The following CALN1 variants were observed in gnomAD, a reference collection of about 807,000 sequenced individuals.
The protein encoded by CALN1 is calcium-binding protein 8.
Under a neutral mutation model 30.6 loss-of-function variants are expected in CALN1, and 17 were observed. The ratio of observed to expected loss-of-function variants is 0.56; its 90% confidence interval spans 0.38 to 0.83. The LOEUF (loss-of-function observed/expected upper bound fraction) is 0.83, where lower values mean the gene tolerates loss of function less well. CALN1 is among the 40% of genes least tolerant of loss of function. The pLI, the probability that CALN1 is intolerant of heterozygous loss-of-function variation, is 0.00. For missense variants in CALN1, 291 were observed against 354.9 expected (o/e 0.82, Z 1.45); for synonymous variants, 156 against 131.4 (o/e 1.19, Z -1.28).
At chr7:72,177,898 G>C (rs1047912372) in intron 3 of CALN1, among the ~76,000 whole-genome samples, 19 of 151,970 alleles carry the variant, frequency 1.3e-4, no homozygotes, top group Admixed American at 2.6e-4. Context: ...GCGTCCCTTA[G>C]CACCTCCACC....
Position 71,943,451 on chromosome 7 carries a change from C to CT in CALN1, c.501+80205dup, listed in dbSNP as rs369290571. Among the ~76,000 whole-genome samples, 1,215 of 152,030 alleles carry CT rather than the reference C, an allele frequency of 8.0e-3. 9 individuals are homozygous for CT. Among genetic ancestry groups the CT allele is most frequent in the Middle Eastern group, 0.017 (5 of 294 alleles). On this transcript the variant is annotated intron_variant, in intron 5 of 6. Coordinates refer to ENST00000395275, the MANE Select transcript of CALN1 (RefSeq NM_031468.4). Reference sequence around the variant, plus strand: ...AAATGGGAACAACAAAAGAATTTTTCTTTTTTTGAGACAGGATCTCACTCT... The same window carrying CT: ...AAATGGGAACAACAAAAGAATTTTTCTTTTTTTTGAGACAGGATCTCACTCT...
chr7:72,472,978 G>GGAAT, the CALN1 span, among the ~76,000 whole-genome samples: 1 of 152,136 alleles, frequency 6.6e-6, no homozygotes, highest in Non-Finnish European at 1.5e-5. Context: ...GTCTAACCTT[G>GGAAT]GAATGACCTG....
In CALN1 at chr7:72,300,284, A is replaced by G. The variant is rs73361152; in HGVS notation, c.120-21474T>C. Among the ~76,000 whole-genome samples, 47 of 152,262 alleles carry G rather than the reference A, an allele frequency of 3.1e-4. 1 individual carries two copies. The highest frequency in any genetic ancestry group is 1.1e-3 in the African/African-American group (46 of 41,548). On this transcript the variant is annotated intron_variant, in intron 2 of 6. Coordinates refer to ENST00000395275, the MANE Select transcript of CALN1 (RefSeq NM_031468.4). ...GAAAGTAATTTGGCCATTCTGCATCACAAGTCTGAAAAAAATAGTTCTGGC... is the reference window on the plus strand; with the variant it reads ...GAAAGTAATTTGGCCATTCTGCATCGCAAGTCTGAAAAAAATAGTTCTGGC...
chr7:72,391,516 T>C (rs914763264), intron 2 of CALN1, among the ~76,000 whole-genome samples: 8 of 152,124 alleles, frequency 5.3e-5, no homozygotes, highest in African/African-American at 1.9e-4. Flanking sequence ...TGGCCCCTGA[T>C]ATAATTTGGC....
chr7:72,141,299 G>C (rs535657015), intron 3 of CALN1, among the ~76,000 whole-genome samples: 8 of 144,376 alleles, frequency 5.5e-5, no homozygotes, highest in African/African-American at 2.3e-4. Context: ...CTTAAAAAAA[G>C]AAAAGAAAAA....
intron 5 of CALN1, among the ~76,000 whole-genome samples, chr7:71,847,743 G>GAAGAAAGAAGAAGAAAGAAGAAGA (rs1386376397): frequency 1.1e-5 from 1 of 94,540 alleles, no homozygotes; most frequent in East Asian, 5.0e-4. Context: ...AAAGAAGAAA[G>GAAGAAAGAAGAAGAAAGAAGAAGA]AAGAAGAAAG....
At chr7:72,147,268 AC>A (rs1786830039) in intron 3 of CALN1, among the ~76,000 whole-genome samples, 1 of 152,188 alleles carries the variant, frequency 6.6e-6, no homozygotes, top group East Asian at 1.9e-4. Context: ...AAACAAATTT[AC>A]AAGAAAAACA....
intron 2 of CALN1, among the ~76,000 whole-genome samples, chr7:72,316,227 C>T (rs960252925): frequency 4.0e-5 from 6 of 151,730 alleles, no homozygotes; most frequent in East Asian, 1.9e-4. Context: ...TTAGTGAAAT[C>T]GAAAACAACA....
In CALN1 at chr7:72,278,737, C is replaced by A. The variant is rs775820211; in HGVS notation, c.193G>T (p.Ala65Ser). 1.9e-6 allele frequency: 3 copies of A among 1,614,116 alleles called. No homozygotes were observed. The highest frequency in any genetic ancestry group is 1.7e-6 in the Non-Finnish European group (2 of 1,179,980). Residue 65 changes from alanine (A) to serine (S), a missense_variant, in exon 3 of 7, where the codon GCT becomes TCT. Transcript: ENST00000395275. The stretch of plus-strand genomic sequence containing the variant: ...GCCAGCTGTTCGCTGTCACTGCCAG[C>A]AGAGAGCGATCGGTTGAGGTAATTC... The part of the protein sequence containing the change: ...KGNYLNRSLS[A>S]GSDSEQLANI...
At chr7:72,393,970 G>T (rs1805751571) in intron 2 of CALN1, among the ~76,000 whole-genome samples, 1 of 152,118 alleles carries the variant, frequency 6.6e-6, no homozygotes, top group African/African-American at 2.4e-5. Context: ...GTTGTGGCAT[G>T]TTTTATTAAA....
At chr7:72,139,617 C>T (rs1809750830) in intron 3 of CALN1, among the ~76,000 whole-genome samples, 1 of 151,410 alleles carries the variant, frequency 6.6e-6, no homozygotes, top group South Asian at 2.1e-4. Flanking sequence ...AGTCTACCCT[C>T]TTCTAAGCCT....
At chr7:71,929,938 T>C (rs1039137702) in intron 5 of CALN1, among the ~76,000 whole-genome samples, 3 of 152,228 alleles carry the variant, frequency 2.0e-5, no homozygotes, top group Non-Finnish European at 4.4e-5. Context: ...GGACATCTCA[T>C]GGATACCAAA....
At chr7:72,376,335 A>G (rs1804552787) in intron 2 of CALN1, among the ~76,000 whole-genome samples, 1 of 152,200 alleles carries the variant, frequency 6.6e-6, no homozygotes, top group South Asian at 2.1e-4. Flanking sequence ...CCAAAGTGAC[A>G]TCATTTTACA....
intron 5 of CALN1, among the ~76,000 whole-genome samples, chr7:71,862,793 A>T (rs146823651): frequency 5.1e-4 from 78 of 152,346 alleles, no homozygotes; most frequent in African/African-American, 1.8e-3. Flanking sequence ...ATGGTTACTT[A>T]CTATTCCAGT....
chr7:71,834,439 A>C (rs924025428), intron 5 of CALN1, among the ~76,000 whole-genome samples: 1 of 151,374 alleles, frequency 6.6e-6, no homozygotes, highest in African/African-American at 2.4e-5. Context: ...CGTATATAGA[A>C]GTGGTTGAGA....
chr7:72,312,905 G>A (rs1800150197), intron 2 of CALN1, among the ~76,000 whole-genome samples: 1 of 151,996 alleles, frequency 6.6e-6, no homozygotes, highest in Non-Finnish European at 1.5e-5. Flanking sequence ...TGCAATCTCG[G>A]CTCACTGCAA....
chr7:72,079,761 C>CTTTTTTTTT lies in CALN1; in HGVS notation c.388+26381_388+26389dup, dbSNP rs3065015. 2.9e-3 allele frequency among the ~76,000 whole-genome samples: 302 copies of CTTTTTTTTT among 104,022 alleles called. 7 individuals are homozygous for CTTTTTTTTT. Among genetic ancestry groups the CTTTTTTTTT allele is most frequent in the South Asian group, 8.0e-3 (23 of 2,890 alleles). 68.2% of individuals were successfully genotyped at this position (104,022 alleles called of 152,430 possible). A position where few individuals can be genotyped will look rare whatever the true frequency, so the allele number is the denominator to read the frequency against. On this transcript the variant is annotated intron_variant, in intron 4 of 6. Transcript: ENST00000395275. The stretch of plus-strand genomic sequence containing the variant: ...AAATGCCCAAGAGGTTGCCTTTTTC[C>CTTTTTTTTT]TTTTTTTTTTTTTTTTTTTTTTTTT...
chr7:72,414,863 T>C (rs1417566104), upstream of CALN1, among the ~76,000 whole-genome samples: 1 of 152,248 alleles, frequency 6.6e-6, no homozygotes, highest in Non-Finnish European at 1.5e-5. Context: ...GAGTGAATTG[T>C]GTCCCTCCTC....
At chr7:71,881,613 CA>C (rs1313591071) in intron 5 of CALN1, among the ~76,000 whole-genome samples, 1 of 152,084 alleles carries the variant, frequency 6.6e-6, no homozygotes, top group African/African-American at 2.4e-5. Flanking sequence ...GTTTCCAAGG[CA>C]TTGATTCACG....
Sources: allele counts gnomAD v4.1 joint callset (sites outside exome capture counted in the v4.1 genomes callset), GRCh38; gene constraint gnomAD v4.1.1; transcripts MANE v1.5; gene names NCBI Gene and HGNC (gene_info 2026-07-23, HGNC 2026-07-21).